Variants in CREB5 observed in about 807,000 individuals in gnomAD.
CREB5 encodes cAMP responsive element binding protein 5.
A neutral mutation model predicts 57.1 loss-of-function variants in CREB5; 19 were observed. The ratio of observed to expected loss-of-function variants is 0.33; its 90% confidence interval spans 0.23 to 0.49. The LOEUF is 0.49. CREB5 is among the 20% of genes least tolerant of loss of function. The probability of loss-of-function intolerance (pLI) is 0.99; values close to 1 mark genes in which losing one functional copy is unlikely to be tolerated. For missense variants in CREB5, 579 were observed against 671.6 expected (o/e 0.86, Z 1.52); for synonymous variants, 238 against 238.3 (o/e 1.00, Z 0.01).
Position 28,340,913 on chromosome 7 carries a change from T to C in CREB5, c.-25+41472T>C, listed in dbSNP as rs562570546. 3.3e-5 allele frequency among the ~76,000 whole-genome samples: 5 copies of C among 152,292 alleles called. No homozygotes were observed. The South Asian group carries it at 1.0e-3, about 32-fold the overall frequency. ...CTCTGTTGGCAGCACTGAGGTCTAATGCAAAGTCCCATAATCACTGTGCTG... is the reference window on the plus strand; with the variant it reads ...CTCTGTTGGCAGCACTGAGGTCTAACGCAAAGTCCCATAATCACTGTGCTG... On this transcript the variant is annotated intron_variant, in intron 1 of 9. Coordinates refer to the CREB5 transcript ENST00000396299.
intron 4 of CREB5, among the ~76,000 whole-genome samples, chr7:28,568,093 T>C: frequency 6.6e-6 from 1 of 152,114 alleles, no homozygotes; most frequent in East Asian, 1.9e-4. Context: ...CAGTTGGTTA[T>C]AGGTTGGTGG....
chr7:28,560,985 CGT>C (rs1364771142), intron 4 of CREB5, among the ~76,000 whole-genome samples: 445 of 27,088 alleles, frequency 0.016, 32 homozygotes, highest in Admixed American at 0.031. Context: ...TGTGTGCGTG[CGT>C]GTGTGTGCCT....
chr7:28,587,327 C>T (rs559824883), intron 5 of CREB5, among the ~76,000 whole-genome samples: 1 of 152,062 alleles, frequency 6.6e-6, no homozygotes, highest in Non-Finnish European at 1.5e-5. Flanking sequence ...TGAAATCCAC[C>T]GATGCAGGGA....
intron 1 of CREB5, among the ~76,000 whole-genome samples, chr7:28,463,452 A>G (rs1790434069): frequency 6.6e-6 from 1 of 152,162 alleles, no homozygotes; most frequent in South Asian, 2.1e-4. Context: ...CAGTTTGCCA[A>G]TTTCTGCAAA....
chr7:28,636,007 G>C (rs1355776831), intron 5 of CREB5, among the ~76,000 whole-genome samples: 1 of 152,206 alleles, frequency 6.6e-6, no homozygotes, highest in Admixed American at 6.5e-5. Flanking sequence ...CCAATAAATA[G>C]TTATTGAGCC....
chr7:28,596,023 T>A (rs1280824988), intron 5 of CREB5, among the ~76,000 whole-genome samples: 1 of 152,206 alleles, frequency 6.6e-6, no homozygotes, highest in Non-Finnish European at 1.5e-5. Context: ...TAAATCACAG[T>A]ATCATGCAAT....
At chr7:28,754,446 C>G (rs1016591561) in intron 7 of CREB5, among the ~76,000 whole-genome samples, 1 of 152,168 alleles carries the variant, frequency 6.6e-6, no homozygotes, top group Non-Finnish European at 1.5e-5. Flanking sequence ...GCCACCTGTT[C>G]TCAAAGGAAA....
At chr7:28,519,016 A>G (rs191894864) in intron 4 of CREB5, among the ~76,000 whole-genome samples, 17 of 152,350 alleles carry the variant, frequency 1.1e-4, no homozygotes, top group Non-Finnish European at 2.1e-4. Flanking sequence ...GGGTTGTTAG[A>G]TTCATACATC....
chr7:28,755,765 G>A (rs949594617), intron 7 of CREB5, among the ~76,000 whole-genome samples: 3 of 152,122 alleles, frequency 2.0e-5, no homozygotes, highest in African/African-American at 7.2e-5. Flanking sequence ...GATCCTGAGA[G>A]CTGCTCGCCA....
chr7:28,536,589 T>A (rs1266018643), intron 4 of CREB5, among the ~76,000 whole-genome samples: 1 of 152,208 alleles, frequency 6.6e-6, no homozygotes, highest in Non-Finnish European at 1.5e-5. Flanking sequence ...ACCTACTGAA[T>A]CAGGTTTACC....
chr7:28,410,899 T>C, upstream of CREB5: 1 of 279,362 alleles, frequency 3.6e-6, no homozygotes, highest in South Asian at 3.7e-5. Context: ...TCCCTGGGCA[T>C]CTTTATTGCC....
chr7:28,711,553 A>G (rs993359170), intron 5 of CREB5, among the ~76,000 whole-genome samples: 2 of 152,188 alleles, frequency 1.3e-5, no homozygotes, highest in African/African-American at 2.4e-5. Flanking sequence ...AATATGGGTC[A>G]GGCAGCTTTC....
intron 5 of CREB5, among the ~76,000 whole-genome samples, chr7:28,680,051 G>A (rs1232890694): frequency 6.6e-6 from 1 of 152,104 alleles, no homozygotes; most frequent in East Asian, 1.9e-4. Context: ...TGGGACTAAG[G>A]GGCACAAATG....
chr7:28,774,203 C>G (rs898531349), intron 7 of CREB5, among the ~76,000 whole-genome samples: 1 of 152,164 alleles, frequency 6.6e-6, no homozygotes. Flanking sequence ...CAATAAGTTG[C>G]TTTCACATTT....
intron 1 of CREB5, among the ~76,000 whole-genome samples, chr7:28,327,744 G>T (rs1326321195): frequency 6.6e-6 from 1 of 151,994 alleles, no homozygotes; most frequent in South Asian, 2.1e-4. Context: ...TGTAAATATA[G>T]GTTCTCAGAA....
intron 5 of CREB5, among the ~76,000 whole-genome samples, chr7:28,665,359 G>T (rs1440004222): frequency 6.6e-6 from 1 of 152,132 alleles, no homozygotes; most frequent in African/African-American, 2.4e-5. Flanking sequence ...GAAACAACTT[G>T]CAGAAACATC....
At chr7:28,315,397 G>A (rs1279651565) in intron 1 of CREB5, among the ~76,000 whole-genome samples, 1 of 152,184 alleles carries the variant, frequency 6.6e-6, no homozygotes, top group Admixed American at 6.5e-5. Flanking sequence ...CGAAGCTGAG[G>A]TTGCCTTCTG....
At chr7:28,450,822 A>G (rs185039311) in intron 1 of CREB5, among the ~76,000 whole-genome samples, 1 of 152,238 alleles carries the variant, frequency 6.6e-6, no homozygotes, top group East Asian at 1.9e-4. Flanking sequence ...TTTCTTTCTG[A>G]TGTGATCGGG....
At position 28,571,436 on chromosome 7, in the gene CREB5, A is replaced by G. The variant is rs184295913; in HGVS notation, c.464+899A>G. Among the ~76,000 whole-genome samples, 5 of 152,022 alleles carry G rather than the reference A, an allele frequency of 3.3e-5. No individual in the cohort carries two copies. In the East Asian group the frequency reaches 9.7e-4, roughly 29 times the overall value. On this transcript the variant is annotated intron_variant, in intron 5 of 10. Coordinates refer to ENST00000357727, the MANE Select transcript of CREB5 (RefSeq NM_182898.4). ...TCCTTATTAGCCCTCTCCTTCCTCT[A>G]CATTGGTCCATGCTGATTTCTGGAG...
Sources: allele counts gnomAD v4.1 joint callset (sites outside exome capture counted in the v4.1 genomes callset), GRCh38; gene constraint gnomAD v4.1.1; transcripts MANE v1.5; gene names NCBI Gene and HGNC (gene_info 2026-07-23, HGNC 2026-07-21).